The following TMX3 variants were observed in gnomAD, a reference collection of about 807,000 sequenced individuals.
The protein encoded by TMX3 is protein disulfide-isomerase TMX3.
In TMX3, 40 loss-of-function variants were observed where a neutral mutation model predicts 64.4. The ratio of observed to expected loss-of-function variants is 0.62; its 90% confidence interval spans 0.48 to 0.81. The LOEUF (loss-of-function observed/expected upper bound fraction) is 0.81, where lower values mean the gene tolerates loss of function less well. TMX3 is among the 30% of genes least tolerant of loss of function. The pLI, the probability that TMX3 is intolerant of heterozygous loss-of-function variation, is 0.00. For missense variants in TMX3, 497 were observed against 534.5 expected, an observed-to-expected ratio of 0.93 and a Z score of 0.69; for synonymous variants, 189 against 175.7, an observed-to-expected ratio of 1.08 and a Z score of -0.60.
intron 1 of TMX3, among the ~76,000 whole-genome samples, 171 bp downstream of exon 1, chr18:68,714,765 C>T (rs561064929): frequency 2.6e-5 from 4 of 152,356 alleles, no homozygotes; most frequent in Non-Finnish European, 4.4e-5. Flanking sequence ...GTGTCCGCTC[C>T]GTCAGGGCCA....
chr18:68,714,954 G>A lies in TMX3; in HGVS notation c.28C>T (p.Leu10=), dbSNP rs982307169. The stretch of plus-strand genomic sequence containing the variant: ...CCATTACCTGTGGCGCAGAGCCGCA[G>A]GGCCGTCCAACTCTTCCACGCTGCC... The part of the protein sequence containing the change: MAAWKSWTA[L]RLCATVVVLD... Residue 10 remains leucine, a synonymous_variant, in exon 1 of 16, where the codon CTG becomes TTG. Coordinates refer to ENST00000299608, the MANE Select transcript of TMX3 (RefSeq NM_019022.5). The A allele has an allele frequency of 3.8e-6, 6 of 1,572,364 alleles. No homozygotes were observed. The highest frequency in any genetic ancestry group is 5.2e-6 in the Non-Finnish European group (6 of 1,159,660).
chr18:68,700,488 TTA>T lies in TMX3; in HGVS notation c.312-5_312-4del. On this transcript the variant is annotated splice_region_variant and splice_polypyrimidine_tract_variant and intron_variant, in intron 5 of 15. Transcript: ENST00000299608. ...TATATGCCAAGTCCCCTTTTAATCTTTAAAAAAAAAAAAAAATTAAAACCTGG... is the reference window on the plus strand; with the variant it reads ...TATATGCCAAGTCCCCTTTTAATCTTAAAAAAAAAAAAAATTAAAACCTGG... 2.6e-6 allele frequency: 4 copies of T among 1,509,754 alleles called. No individual in the cohort carries two copies. Among genetic ancestry groups the T allele is most frequent in the Admixed American group, 2.2e-5 (1 of 45,302 alleles). The allele number at this position is 1,509,754 out of a possible 1,614,324, so 93.5% of individuals were successfully genotyped here.
Position 68,710,002 on chromosome 18 carries a change from AAACT to A in TMX3, c.265+15_265+18del, listed in dbSNP as rs2145140026. On this transcript the variant is annotated intron_variant, in intron 4 of 15. Coordinates refer to ENST00000299608, the MANE Select transcript of TMX3 (RefSeq NM_019022.5). ...TTTGCTGTGAGAACAGTAAAATAAT[AAACT>A]AAGTGAAGGCTTACTAGAATAGGAA... is the stretch of plus-strand genomic sequence containing the variant. 1 of 1,565,890 alleles carries A rather than the reference AAACT, an allele frequency of 6.4e-7. No homozygotes were observed. Among genetic ancestry groups the A allele is most frequent in the East Asian group, 2.3e-5 (1 of 43,254 alleles).
chr18:68,702,351 T>C (rs1304305919), intron 4 of TMX3, among the ~76,000 whole-genome samples: 1 of 149,792 alleles, frequency 6.7e-6, no homozygotes, highest in Non-Finnish European at 1.5e-5. Flanking sequence ...GCTTTTGTGA[T>C]AACCTAGAGT....
At chr18:68,687,014 G>GT (rs1914030244) in intron 10 of TMX3, 1 of 982,682 alleles carries the variant, frequency 1.0e-6, no homozygotes, top group Admixed American at 6.2e-5. Context: ...TGTTCTCATT[G>GT]TTTTACTCAA....
intron 15 of TMX3, among the ~76,000 whole-genome samples, chr18:68,678,531 A>G (rs77811413): frequency 0.091 from 13,859 of 152,168 alleles, 648 homozygotes; most frequent in East Asian, 0.11. Flanking sequence ...TGATACTCAC[A>G]GCAGCACGGA....
chr18:68,692,289 T>C (rs372366703), intron 8 of TMX3, among the ~76,000 whole-genome samples: 43 of 152,284 alleles, frequency 2.8e-4, no homozygotes, highest in African/African-American at 9.9e-4. Context: ...CTTTCATCAA[T>C]ATCCCTGAAT....
rs1045527536 is a variant in TMX3 at position 68,715,099 on chromosome 18, C to G, written c.-118G>C. ...CCGACCCGGAGCGGAAGAGAAGCAC[C>G]GCGCTAACTACGGGGGCGGGGCTAC... On this transcript the variant is annotated 5_prime_UTR_variant, in exon 1 of 16. Coordinates refer to ENST00000299608, the MANE Select transcript of TMX3 (RefSeq NM_019022.5). 2.0e-6 allele frequency: 3 copies of G among 1,517,886 alleles called. No homozygotes were observed. The highest frequency in any genetic ancestry group is 2.7e-6 in the Non-Finnish European group (3 of 1,129,632). The allele number at this position is 1,517,886 out of a possible 1,614,324, so 94.0% of individuals were successfully genotyped here. A position where few individuals can be genotyped will look rare whatever the true frequency, so the allele number is the denominator to read the frequency against.
In TMX3 at chr18:68,701,778, T is replaced by A. The variant is rs2030103731; in HGVS notation, c.278A>T (p.Glu93Val). 2 of 1,611,498 alleles carry A rather than the reference T, an allele frequency of 1.2e-6. No homozygotes were observed. Among genetic ancestry groups the A allele is most frequent in the East Asian group, 2.2e-5 (1 of 44,758 alleles). Residue 93 changes from glutamate (E) to valine (V), a missense_variant, in exon 5 of 16, where the codon GAG becomes GTG. Transcript: ENST00000299608. ...TGTTGGATAACCTCGAACTCCAAAC[T>A]CTGAAGCAATGCCTTGATAAGAAAA... Reference protein sequence around the residue: ...DATSYSSIASEFGVRGYPTIK... With the variant: ...DATSYSSIASVFGVRGYPTIK...
At chr18:68,713,477 T>C (rs562846569) in intron 2 of TMX3, among the ~76,000 whole-genome samples, 3 of 152,318 alleles carry the variant, frequency 2.0e-5, no homozygotes, top group South Asian at 2.1e-4. Context: ...ACACAGGAAT[T>C]TGGGTCTGAA....
At position 68,673,966 on chromosome 18, in the gene TMX3, A is replaced by G. The variant is rs1419681081; in HGVS notation, c.*2967T>C. On this transcript the variant is annotated 3_prime_UTR_variant, in exon 16 of 16. Transcript: ENST00000299608. Reference sequence around the variant, plus strand: ...TCATTTAATGCATAAGGAGTGTTGAATGATTTTTCCCTGTCCTAACTCCAT... The same window carrying G: ...TCATTTAATGCATAAGGAGTGTTGAGTGATTTTTCCCTGTCCTAACTCCAT... The G allele has an allele frequency of 6.6e-6, 1 of 152,130 alleles. No individual in the cohort carries two copies. Among genetic ancestry groups the G allele is most frequent in the Non-Finnish European group, 1.5e-5 (1 of 68,006 alleles). 9.4% of individuals were successfully genotyped at this position (152,130 alleles called of 1,614,324 possible).
At chr18:68,698,067 ATAAAC>A (rs759700037) in intron 6 of TMX3, 36 bp from the exon 7 acceptor site, 27 of 1,405,480 alleles carry the variant, frequency 1.9e-5, no homozygotes, top group Admixed American at 1.7e-5. Context: ...AACTTGAATT[ATAAAC>A]TAAAGTACAT....
intron 9 of TMX3, 92 bp downstream of exon 9, chr18:68,691,203 G>A: frequency 1.2e-6 from 1 of 841,648 alleles, no homozygotes; most frequent in Admixed American, 3.0e-5. Flanking sequence ...TCATTGAACA[G>A]TAGAAGCATT....
In TMX3 at chr18:68,682,404, C is replaced by T. The variant is rs1282177254; in HGVS notation, c.905+521G>A. Among the ~76,000 whole-genome samples the T allele has an allele frequency of 2.0e-5, 3 of 152,156 alleles. No homozygotes were observed. In the East Asian group the frequency reaches 5.8e-4, roughly 29 times the overall value. Reference sequence around the variant, plus strand: ...TATTTTAAAACTACATATTTTCCTACAAATTTAGTCTACTCAAATAAATTC... The same window carrying T: ...TATTTTAAAACTACATATTTTCCTATAAATTTAGTCTACTCAAATAAATTC... On this transcript the variant is annotated intron_variant, in intron 13 of 15. Transcript: ENST00000299608.
At position 68,674,767 on chromosome 18, in the gene TMX3, TAAA is replaced by T. The variant is rs1185047498; in HGVS notation, c.*2163_*2165del. On this transcript the variant is annotated 3_prime_UTR_variant, in exon 16 of 16. Transcript: ENST00000299608. ...AACAAAATTTTAATACAAGAAGAAA[TAAA>T]AATTATTCACTTACAAACCACCTAC... The T allele has an allele frequency of 6.6e-6, 1 of 151,832 alleles. No individual in the cohort carries two copies. Among genetic ancestry groups the T allele is most frequent in the Admixed American group, 6.6e-5 (1 of 15,240 alleles). The allele number at this position is 151,832 out of a possible 1,614,324, so 9.4% of individuals were successfully genotyped here. A position where few individuals can be genotyped will look rare whatever the true frequency, so the allele number is the denominator to read the frequency against.
chr18:68,675,442 T>G lies in TMX3; in HGVS notation c.*1491A>C, dbSNP rs1363347173. The G allele has an allele frequency of 6.6e-6, 1 of 152,158 alleles. No individual in the cohort carries two copies. Among genetic ancestry groups the G allele is most frequent in the Non-Finnish European group, 1.5e-5 (1 of 68,028 alleles). The allele number at this position is 152,158 out of a possible 1,614,324, so 9.4% of individuals were successfully genotyped here. ...AAATAAAACAATCACTAGTAATTCC[T>G]TAGTACTTAAGATGCAAGTGTCCAT... On this transcript the variant is annotated 3_prime_UTR_variant, in exon 16 of 16. Coordinates refer to ENST00000299608, the MANE Select transcript of TMX3 (RefSeq NM_019022.5).
intron 10 of TMX3, chr18:68,686,666 C>CA (rs1002112817): frequency 7.1e-5 from 66 of 932,830 alleles, no homozygotes; most frequent in Non-Finnish European, 8.2e-5. Context: ...AAGATCACGT[C>CA]ACTGCACTCC....
intron 8 of TMX3, among the ~76,000 whole-genome samples, chr18:68,692,132 T>C (rs1914583004): frequency 6.6e-6 from 1 of 152,134 alleles, no homozygotes; most frequent in Non-Finnish European, 1.5e-5. Context: ...TATTAAAAAA[T>C]GATATAGCAC....
rs202117387 is a variant in TMX3 at position 68,700,434 on chromosome 18, A to T, written c.363T>A (p.Asp121Glu). Residue 121 changes from aspartate to glutamate, a missense_variant, in exon 6 of 16, where the codon GAT (aspartate) becomes GAA (glutamate). By Grantham distance (45) the Asp-to-Glu change is conservative. Coordinates refer to ENST00000299608, the MANE Select transcript of TMX3 (RefSeq NM_019022.5). ...ATACTCTGTGAGCAAACTCAATAATATCATCTTTTGTTCGTGGTCCTCTAT... is the reference window on the plus strand; with the variant it reads ...ATACTCTGTGAGCAAACTCAATAATTTCATCTTTTGTTCGTGGTCCTCTAT... ...YNYRGPRTKD[D>E]IIEFAHRVSG... is the part of the protein sequence containing the mutation. 1.3e-6 allele frequency: 2 copies of T among 1,581,984 alleles called. No individual in the cohort carries two copies. Among genetic ancestry groups the T allele is most frequent in the Non-Finnish European group, 1.7e-6 (2 of 1,165,894 alleles).
Sources: gnomAD v4.1 joint callset for allele counts (sites outside exome capture counted in the v4.1 genomes callset) on GRCh38, gnomAD v4.1.1 for gene constraint, MANE v1.5 for transcripts, NCBI Gene and HGNC (gene_info 2026-07-23, HGNC 2026-07-21) for gene names.